The following CHSY3 variants were observed in gnomAD, a reference collection of about 807,000 sequenced individuals.
The protein encoded by CHSY3 is N-acetylgalactosaminyl-proteoglycan 3-beta-glucuronosyltransferase 3.
In CHSY3, 35 loss-of-function variants were observed where a neutral mutation model predicts 67.2. That is an observed-to-expected ratio of 0.52 (90% CI 0.40 to 0.69). The LOEUF (loss-of-function observed/expected upper bound fraction) is 0.69. Among genes scored for constraint, CHSY3 ranks in the 30% least tolerant of loss-of-function variants. CHSY3 has a pLI of 0.00. For missense variants in CHSY3, 1,069 were observed against 1,138.5 expected (o/e 0.94, Z 0.88); for synonymous variants, 474 against 434.7 (o/e 1.09, Z -1.12).
At chr5:130,170,206 G>T (rs892171741) in intron 2 of CHSY3, among the ~76,000 whole-genome samples, 5 of 151,878 alleles carry the variant, frequency 3.3e-5, no homozygotes, top group Non-Finnish European at 1.5e-5. Flanking sequence ...CCATTGTTTA[G>T]TTCTCACTTA....
intron 2 of CHSY3, among the ~76,000 whole-genome samples, chr5:130,070,298 T>C (rs1766017477): frequency 6.6e-6 from 1 of 152,160 alleles, no homozygotes. Context: ...AAAGAAATGA[T>C]AGACATTATA....
At chr5:129,991,525 G>T (rs546661243) in intron 2 of CHSY3, among the ~76,000 whole-genome samples, 1 of 152,166 alleles carries the variant, frequency 6.6e-6, no homozygotes, top group East Asian at 1.9e-4. Flanking sequence ...GTTCCTTGAT[G>T]AGTATAATAG....
At chr5:130,128,825 G>A (rs80162153) in intron 2 of CHSY3, among the ~76,000 whole-genome samples, 7,189 of 151,904 alleles carry the variant, frequency 0.047, 436 homozygotes, top group East Asian at 0.27. Flanking sequence ...ACAGCTATTT[G>A]CATGTCAATA....
intron 2 of CHSY3, among the ~76,000 whole-genome samples, chr5:130,162,841 G>A (rs546721666): frequency 6.6e-6 from 1 of 152,184 alleles, no homozygotes; most frequent in African/African-American, 2.4e-5. Context: ...ACTGTGGCTG[G>A]CACAATGCAA....
Position 130,005,408 on chromosome 5 carries a change from T to G in CHSY3, c.1086+97048T>G, listed in dbSNP as rs116520792. Among the ~76,000 whole-genome samples, 274 of 142,934 alleles carry G rather than the reference T, an allele frequency of 1.9e-3. 2 individuals are homozygous for G. Among genetic ancestry groups the G allele is most frequent in the African/African-American group, 7.2e-3 (264 of 36,858 alleles). 93.8% of individuals were successfully genotyped at this position (142,934 alleles called of 152,430 possible). On this transcript the variant is annotated intron_variant, in intron 2 of 2. Coordinates refer to ENST00000305031, the MANE Select transcript of CHSY3 (RefSeq NM_175856.5). ...CCAGCCTGGTGACAGAGTGAGACTC[T>G]GTGAAAAACAAGACGAAACAACAAA...
Position 129,970,398 on chromosome 5 carries a change from T to TTAGA in CHSY3, c.1086+62087_1086+62090dup, listed in dbSNP as rs59639782. Among the ~76,000 whole-genome samples, 1,156 of 145,730 alleles carry TTAGA rather than the reference T, an allele frequency of 7.9e-3. 3 individuals carry two copies. Among genetic ancestry groups the TTAGA allele is most frequent in the East Asian group, 0.014 (66 of 4,822 alleles). On this transcript the variant is annotated intron_variant, in intron 2 of 2. Transcript: ENST00000305031. Reference sequence around the variant, plus strand: ...TAAATGGGGTGGACAGAGGAACAGATTAGATAGATAGATAGATAGATAGAT... The same window carrying TTAGA: ...TAAATGGGGTGGACAGAGGAACAGATTAGATAGATAGATAGATAGATAGATAGAT...
chr5:130,008,626 G>A (rs142639058), intron 2 of CHSY3, among the ~76,000 whole-genome samples: 327 of 152,226 alleles, frequency 2.1e-3, no homozygotes, highest in African/African-American at 4.6e-3. Context: ...AGACTGAAAT[G>A]GCTGAAATGA....
At chr5:130,017,789 T>G (rs1363974762) in intron 2 of CHSY3, among the ~76,000 whole-genome samples, 2 of 152,062 alleles carry the variant, frequency 1.3e-5, no homozygotes, top group South Asian at 4.1e-4. Context: ...TAAAAACATT[T>G]AACTAAAACA....
Position 130,159,161 on chromosome 5 carries a change from C to CTTTTT in CHSY3, c.1087-25051_1087-25047dup, listed in dbSNP as rs33919002. On this transcript the variant is annotated intron_variant, in intron 2 of 2. Transcript: ENST00000305031. ...TTCTTAATTCTGCATTAAGATTTGT[C>CTTTTT]TTTTTTTTTTTTTTTTTTTTTGAGA... Among the ~76,000 whole-genome samples the CTTTTT allele has an allele frequency of 5.7e-3, 561 of 98,656 alleles. 8 individuals carry two copies. The highest frequency in any genetic ancestry group is 7.9e-3 in the Non-Finnish European group (402 of 51,080). 64.7% of individuals were successfully genotyped at this position (98,656 alleles called of 152,430 possible).
intron 2 of CHSY3, 27 bp from the exon 3 acceptor site, chr5:130,184,202 C>A (rs775669247): frequency 2.2e-5 from 31 of 1,427,626 alleles, no homozygotes; most frequent in Non-Finnish European, 2.5e-5. Flanking sequence ...TAAAATTAAC[C>A]CTGATTTTTT....
intron 2 of CHSY3, among the ~76,000 whole-genome samples, chr5:130,049,365 G>A (rs1267186132): frequency 6.6e-6 from 1 of 152,018 alleles, no homozygotes; most frequent in Non-Finnish European, 1.5e-5. Context: ...TGCTTGCATA[G>A]TACAGGCTTC....
chr5:129,962,409 A>T (rs752046870), intron 2 of CHSY3, among the ~76,000 whole-genome samples: 10 of 151,896 alleles, frequency 6.6e-5, no homozygotes, highest in African/African-American at 2.4e-4. Context: ...TAACACCCTC[A>T]TCTAGGCTGG....
chr5:130,083,502 G>T (rs1006658501), intron 2 of CHSY3, among the ~76,000 whole-genome samples: 3 of 151,866 alleles, frequency 2.0e-5, no homozygotes, highest in Non-Finnish European at 2.9e-5. Context: ...TTATAAGCAG[G>T]CTTCATTACC....
chr5:130,099,249 C>A (rs747528829), intron 2 of CHSY3, among the ~76,000 whole-genome samples: 17 of 152,168 alleles, frequency 1.1e-4, no homozygotes, highest in Admixed American at 5.2e-4. Context: ...TTCTTTCTGG[C>A]ATTTCCAGTG....
At chr5:130,137,456 C>T (rs1221368965) in intron 2 of CHSY3, among the ~76,000 whole-genome samples, 1 of 152,086 alleles carries the variant, frequency 6.6e-6, no homozygotes, top group Non-Finnish European at 1.5e-5. Flanking sequence ...TCCTTTTTCC[C>T]TGAAGCACTA....
At chr5:129,954,899 C>T (rs549040227) in intron 2 of CHSY3, among the ~76,000 whole-genome samples, 11 of 152,102 alleles carry the variant, frequency 7.2e-5, no homozygotes, top group African/African-American at 2.4e-4. Context: ...GATGGAGTCT[C>T]GCTCTGCCAC....
At chr5:129,933,910 C>G (rs754160524) in intron 2 of CHSY3, among the ~76,000 whole-genome samples, 2 of 152,076 alleles carry the variant, frequency 1.3e-5, no homozygotes, top group African/African-American at 2.4e-5. Context: ...CAGCTGTTAA[C>G]ACTTTTTCTT....
chr5:130,002,919 G>A (rs1763773772), intron 2 of CHSY3, among the ~76,000 whole-genome samples: 1 of 152,094 alleles, frequency 6.6e-6, no homozygotes, highest in Non-Finnish European at 1.5e-5. Context: ...GACTTTACAT[G>A]TGTTCTTGTT....
At position 130,184,271 on chromosome 5, in the gene CHSY3, G is replaced by C; in HGVS notation, c.1129G>C (p.Gly377Arg). Residue 377 changes from glycine (G) to arginine (R), a missense_variant, in exon 3 of 3, where the codon GGT becomes CGT. By Grantham distance (125) the Gly-to-Arg change is moderately radical. Coordinates refer to ENST00000305031, the MANE Select transcript of CHSY3 (RefSeq NM_175856.5). ...TGAAAATTATGAACACAATCGGAAG[G>C]GTTACATCCAAGACCTTCACAATAG... is the stretch of plus-strand genomic sequence containing the variant. ...FHENYEHNRKGYIQDLHNSKI... is the reference protein window; with the variant it reads ...FHENYEHNRKRYIQDLHNSKI... 1.2e-6 allele frequency: 2 copies of C among 1,608,370 alleles called. No homozygotes were observed. The highest frequency in any genetic ancestry group is 1.7e-6 in the Non-Finnish European group (2 of 1,177,114).
Sources: gnomAD v4.1 joint callset for allele counts (sites outside exome capture counted in the v4.1 genomes callset) on GRCh38, gnomAD v4.1.1 for gene constraint, MANE v1.5 for transcripts, NCBI Gene and HGNC (gene_info 2026-07-23, HGNC 2026-07-21) for gene names.